TRAPPC9: variants seen among roughly 807,000 people sequenced by gnomAD.
TRAPPC9 encodes the protein IKK2 binding protein.
A neutral mutation model predicts 124.0 loss-of-function variants in TRAPPC9; 83 were observed. The observed-to-expected ratio is 0.67, with a 90% confidence interval of 0.56 to 0.80. The LOEUF (loss-of-function observed/expected upper bound fraction) is 0.80. TRAPPC9 is among the 30% of genes least tolerant of loss of function. The probability of loss-of-function intolerance (pLI) is 0.00; values close to 1 mark genes in which losing one functional copy is unlikely to be tolerated. For missense variants in TRAPPC9, 1,302 were observed against 1,508.3 expected (o/e 0.86, Z 2.27); for synonymous variants, 638 against 617.5 (o/e 1.03, Z -0.49).
intron 19 of TRAPPC9, among the ~76,000 whole-genome samples, chr8:139,917,078 G>A (rs1340751450): frequency 6.6e-6 from 1 of 151,700 alleles, no homozygotes; most frequent in African/African-American, 2.4e-5. Context: ...ACGGACGTAT[G>A]GATCACGCCC....
chr8:139,826,398 C>T (rs914948408), intron 21 of TRAPPC9, among the ~76,000 whole-genome samples: 2 of 152,136 alleles, frequency 1.3e-5, no homozygotes, highest in Admixed American at 6.5e-5. Context: ...CTGCAGGAGC[C>T]GGCCGGGTGA....
chr8:140,316,906 T>A (rs781358910), intron 9 of TRAPPC9, among the ~76,000 whole-genome samples: 8 of 152,244 alleles, frequency 5.3e-5, no homozygotes, highest in African/African-American at 7.2e-5. Context: ...TTATTCGTTT[T>A]TGGTCGTTCA....
intron 21 of TRAPPC9, among the ~76,000 whole-genome samples, chr8:139,868,828 T>G (rs1298799931): frequency 6.6e-6 from 1 of 152,202 alleles, no homozygotes; most frequent in Non-Finnish European, 1.5e-5. Context: ...GAGCTTATAT[T>G]CTAATGAGGG....
At chr8:140,176,266 G>A (rs538364868) in intron 17 of TRAPPC9, among the ~76,000 whole-genome samples, 18 of 152,236 alleles carry the variant, frequency 1.2e-4, no homozygotes, top group African/African-American at 3.4e-4. Context: ...CAACTAACAC[G>A]TAGAGTATTC....
At chr8:140,122,050 T>C (rs535074385) in intron 17 of TRAPPC9, among the ~76,000 whole-genome samples, 8 of 149,912 alleles carry the variant, frequency 5.3e-5, no homozygotes, top group African/African-American at 7.5e-5. Context: ...TCTCTCTCTC[T>C]CCCTTTCTCC....
chr8:139,963,963 G>A (rs777491272), intron 19 of TRAPPC9, among the ~76,000 whole-genome samples: 2 of 152,066 alleles, frequency 1.3e-5, no homozygotes, highest in Non-Finnish European at 2.9e-5. Context: ...GGTGGCTCAC[G>A]CCTGTAATCC....
At chr8:140,161,848 G>A (rs1372080333) in intron 17 of TRAPPC9, among the ~76,000 whole-genome samples, 4 of 152,088 alleles carry the variant, frequency 2.6e-5, no homozygotes, top group Non-Finnish European at 4.4e-5. Flanking sequence ...GGGGCAGGGC[G>A]CTACAGATGC....
chr8:140,091,410 C>T (rs1029083789), intron 17 of TRAPPC9, among the ~76,000 whole-genome samples: 7 of 152,184 alleles, frequency 4.6e-5, no homozygotes, highest in African/African-American at 1.2e-4. Flanking sequence ...GAGGGGTCTC[C>T]GTTTCATGCT....
intron 21 of TRAPPC9, among the ~76,000 whole-genome samples, chr8:139,852,951 C>T (rs1012786477): frequency 4.6e-5 from 7 of 152,178 alleles, no homozygotes; most frequent in African/African-American, 1.2e-4. Context: ...TGGCCTGCCC[C>T]CTGTCTGATC....
At chr8:140,421,098 G>A (rs1172515807) in intron 5 of TRAPPC9, among the ~76,000 whole-genome samples, 2 of 152,168 alleles carry the variant, frequency 1.3e-5, no homozygotes, top group Non-Finnish European at 2.9e-5. Context: ...CCTTTCCCTA[G>A]GAGACAGTGG....
At chr8:139,871,501 G>T (rs1315811076) in intron 21 of TRAPPC9, among the ~76,000 whole-genome samples, 2 of 152,194 alleles carry the variant, frequency 1.3e-5, no homozygotes, top group African/African-American at 4.8e-5. Context: ...GAGCACACCA[G>T]TTGGCCTAAT....
At chr8:139,931,915 T>TCG in intron 19 of TRAPPC9, 1 of 189,392 alleles carries the variant, frequency 5.3e-6, no homozygotes, top group Non-Finnish European at 1.1e-5. Context: ...AGAGAAATTC[T>TCG]GTGTTGAAAA....
chr8:140,403,412 G>C lies in TRAPPC9; in HGVS notation c.1008+2165C>G, dbSNP rs559504261. Among the ~76,000 whole-genome samples, 237 of 150,478 alleles carry C rather than the reference G, an allele frequency of 1.6e-3. 1 individual carries two copies. The highest frequency in any genetic ancestry group is 5.6e-3 in the African/African-American group (230 of 41,030). ...CTGCTACACTCGAGCCTGGGCAACAGAGCGAGACTCTGTCTCCATAAAAAA... is the reference window on the plus strand; with the variant it reads ...CTGCTACACTCGAGCCTGGGCAACACAGCGAGACTCTGTCTCCATAAAAAA... On this transcript the variant is annotated intron_variant, in intron 6 of 22. Coordinates refer to ENST00000438773, the MANE Select transcript of TRAPPC9 (RefSeq NM_001160372.4).
intron 17 of TRAPPC9, among the ~76,000 whole-genome samples, chr8:140,169,580 T>C (rs1271453371): frequency 6.6e-6 from 1 of 152,096 alleles, no homozygotes; most frequent in Non-Finnish European, 1.5e-5. Context: ...CGATGACATA[T>C]TGTCCAGCCA....
chr8:140,111,481 G>A (rs898221404), intron 17 of TRAPPC9, among the ~76,000 whole-genome samples: 8 of 152,126 alleles, frequency 5.3e-5, no homozygotes, highest in Non-Finnish European at 1.0e-4. Flanking sequence ...AGAGAACAAT[G>A]TACATCCCCC....
At position 140,376,874 on chromosome 8, in the gene TRAPPC9, A is replaced by C. The variant is rs1343001065; in HGVS notation, c.1135-5694T>G. ...CACAACAAGAGCGAGGCTCCATCTC[A>C]AAAAAAAAAAAAAAAAAATCACAGT... On this transcript the variant is annotated intron_variant, in intron 7 of 22. Coordinates refer to ENST00000438773, the MANE Select transcript of TRAPPC9 (RefSeq NM_001160372.4). Among the ~76,000 whole-genome samples the C allele has an allele frequency of 5.4e-4, 10 of 18,354 alleles. No individual in the cohort carries two copies. The Admixed American group carries it at 6.8e-3, about 13-fold the overall frequency. 12.0% of individuals were successfully genotyped at this position (18,354 alleles called of 152,430 possible).
chr8:139,827,780 G>A (rs1441256229), intron 21 of TRAPPC9, among the ~76,000 whole-genome samples: 2 of 152,194 alleles, frequency 1.3e-5, no homozygotes, highest in African/African-American at 4.8e-5. Context: ...AAGGAAAGAG[G>A]CTTCATCGGC....
At chr8:140,142,130 GA>G (rs2061391420) in intron 17 of TRAPPC9, among the ~76,000 whole-genome samples, 1 of 152,210 alleles carries the variant, frequency 6.6e-6, no homozygotes. Flanking sequence ...AGCCTGAGCT[GA>G]ATCTTTAAAC....
intron 4 of TRAPPC9, among the ~76,000 whole-genome samples, chr8:140,432,866 T>G (rs954689071): frequency 1.3e-5 from 2 of 150,520 alleles, no homozygotes; most frequent in African/African-American, 4.9e-5. Context: ...AGCAAGACTC[T>G]GTATCAAAAA....
Sources: gnomAD v4.1 joint callset for allele counts (sites outside exome capture counted in the v4.1 genomes callset) on GRCh38, gnomAD v4.1.1 for gene constraint, MANE v1.5 for transcripts, NCBI Gene and HGNC (gene_info 2026-07-23, HGNC 2026-07-21) for gene names.